EFCAB6: variants seen among roughly 807,000 people sequenced by gnomAD.
The protein encoded by EFCAB6 is EF-hand calcium-binding domain-containing protein 6.
EFCAB6 carries 156 observed loss-of-function variants against 169.8 expected under a neutral mutation model. That is an observed-to-expected ratio of 0.92 (90% CI 0.81 to 1.05). EFCAB6 has a LOEUF of 1.05. EFCAB6 is among the 50% of genes least tolerant of loss of function. EFCAB6 has a pLI of 0.00. For synonymous variants in EFCAB6, 698 were observed against 676.4 expected (o/e 1.03, Z -0.50); for missense variants, 1,800 against 1,829.1 (o/e 0.98, Z 0.29).
Position 43,784,651 on chromosome 22 carries a change from A to ATGTGTATGTATACATATATATG in EFCAB6, c.-7-2327_-7-2326insCATATATATGTATACATACACA, listed in dbSNP as rs2061997045. On this transcript the variant is annotated intron_variant, in intron 2 of 31. Coordinates refer to ENST00000262726, the MANE Select transcript of EFCAB6 (RefSeq NM_022785.4). The stretch of plus-strand genomic sequence containing the variant: ...TATATATGTATATGTACACATATAT[A>ATGTGTATGTATACATATATATG]TGTGTATATATACATATACATATAT... Among the ~76,000 whole-genome samples the ATGTGTATGTATACATATATATG allele has an allele frequency of 1.6e-4, 12 of 75,354 alleles. 2 individuals are homozygous for ATGTGTATGTATACATATATATG. Among genetic ancestry groups the ATGTGTATGTATACATATATATG allele is most frequent in the Non-Finnish European group, 3.0e-4 (11 of 36,566 alleles). 49.4% of individuals were successfully genotyped at this position (75,354 alleles called of 152,430 possible). A position where few individuals can be genotyped will look rare whatever the true frequency, so the allele number is the denominator to read the frequency against.
At chr22:43,622,850 T>G (rs560282695) in intron 20 of EFCAB6, among the ~76,000 whole-genome samples, 1 of 152,318 alleles carries the variant, frequency 6.6e-6, no homozygotes, top group Non-Finnish European at 1.5e-5. Context: ...CCTTCAGTTT[T>G]CTTGCGGCAG....
intron 10 of EFCAB6, among the ~76,000 whole-genome samples, chr22:43,689,391 G>A (rs796622242): frequency 2.0e-4 from 26 of 130,400 alleles, no homozygotes; most frequent in African/African-American, 6.9e-4. Context: ...CAGCATCTTC[G>A]TCTTTGCCCA....
intron 17 of EFCAB6, among the ~76,000 whole-genome samples, chr22:43,648,940 G>T (rs1319842693): frequency 6.6e-6 from 1 of 152,138 alleles, no homozygotes; most frequent in Non-Finnish European, 1.5e-5. Context: ...CCCCATCCCC[G>T]CCAAGCTTAC....
intron 10 of EFCAB6, among the ~76,000 whole-genome samples, chr22:43,698,524 C>A (rs1042392664): frequency 6.6e-6 from 1 of 152,146 alleles, no homozygotes; most frequent in African/African-American, 2.4e-5. Context: ...TGGTCTCAGA[C>A]CCACAAAATT....
At chr22:43,581,151 G>T (rs1037845598) in intron 24 of EFCAB6, among the ~76,000 whole-genome samples, 6 of 152,162 alleles carry the variant, frequency 3.9e-5, no homozygotes. Flanking sequence ...CAGTCTGGAT[G>T]GGGGGCTCCT....
intron 27 of EFCAB6, chr22:43,554,428 C>G (rs1602225561): frequency 5.9e-6 from 1 of 168,782 alleles, no homozygotes; most frequent in Non-Finnish European, 1.3e-5. Flanking sequence ...CTCTTGCTGA[C>G]TTGCCCCTTG....
At chr22:43,597,876 T>C (rs891882096) in intron 23 of EFCAB6, among the ~76,000 whole-genome samples, 41 of 152,056 alleles carry the variant, frequency 2.7e-4, no homozygotes, top group African/African-American at 9.7e-4. Context: ...ACATACACAA[T>C]GGAACATTAT....
intron 10 of EFCAB6, among the ~76,000 whole-genome samples, chr22:43,701,559 A>C (rs2058766448): frequency 6.6e-6 from 1 of 152,216 alleles, no homozygotes; most frequent in African/African-American, 2.4e-5. Context: ...AATTGGACCA[A>C]ATTATTGATA....
intron 23 of EFCAB6, among the ~76,000 whole-genome samples, chr22:43,593,509 T>G (rs1423883104): frequency 1.3e-5 from 2 of 152,202 alleles, no homozygotes; most frequent in African/African-American, 2.4e-5. Context: ...AAATTCCACT[T>G]TTTCATTAGC....
At chr22:43,693,157 T>C (rs1447116767) in intron 10 of EFCAB6, among the ~76,000 whole-genome samples, 1 of 152,126 alleles carries the variant, frequency 6.6e-6, no homozygotes, top group African/African-American at 2.4e-5. Flanking sequence ...AATAGATTTC[T>C]TTATAAAACA....
Position 43,784,674 on chromosome 22 carries a change from T to TACAC in EFCAB6, c.-7-2350_-7-2349insGTGT, listed in dbSNP as rs1468073918. On this transcript the variant is annotated intron_variant, in intron 2 of 31. Coordinates refer to ENST00000262726, the MANE Select transcript of EFCAB6 (RefSeq NM_022785.4). Reference sequence around the variant, plus strand: ...ATATGTGTATATATACATATACATATATACACACACACACACACACACACA... The same window carrying TACAC: ...ATATGTGTATATATACATATACATATACACATACACACACACACACACACACACA... 4.0e-3 allele frequency among the ~76,000 whole-genome samples: 200 copies of TACAC among 49,632 alleles called. 7 individuals carry two copies. The highest frequency in any genetic ancestry group is 0.015 in the African/African-American group (179 of 12,174). The allele number at this position is 49,632 out of a possible 152,430, so 32.6% of individuals were successfully genotyped here.
chr22:43,666,691 G>GTTT (rs137764), intron 17 of EFCAB6, among the ~76,000 whole-genome samples: 2,314 of 77,780 alleles, frequency 0.03, 208 homozygotes, highest in African/African-American at 0.041. Context: ...CTGCCAGATT[G>GTTT]TTTTTTTTTT....
At chr22:43,613,410 T>C (rs1027032524) in intron 21 of EFCAB6, among the ~76,000 whole-genome samples, 13 of 152,068 alleles carry the variant, frequency 8.5e-5, no homozygotes, top group African/African-American at 3.1e-4. Flanking sequence ...AATATATACA[T>C]CATAGAATAC....
At chr22:43,551,833 T>C (rs969600517) in intron 27 of EFCAB6, 2 of 151,720 alleles carry the variant, frequency 1.3e-5, no homozygotes, top group African/African-American at 4.8e-5. Context: ...TGTTCCTTTT[T>C]TTTTTTTTTT....
chr22:43,560,621 T>G (rs1043086477), intron 26 of EFCAB6, among the ~76,000 whole-genome samples: 2 of 152,208 alleles, frequency 1.3e-5, no homozygotes, highest in East Asian at 3.9e-4. Context: ...GCAGGCCTCC[T>G]TGAGGAGGAA....
chr22:43,551,999 T>C (rs943263116), intron 27 of EFCAB6: 1 of 152,058 alleles, frequency 6.6e-6, no homozygotes, highest in African/African-American at 2.4e-5. Flanking sequence ...AGCTAATTTT[T>C]TTGCATTTTT....
intron 26 of EFCAB6, among the ~76,000 whole-genome samples, chr22:43,574,647 A>C (rs1602355348): frequency 2.2e-5 from 1 of 44,856 alleles, no homozygotes; most frequent in South Asian, 8.6e-4. Context: ...TAAAATGACA[A>C]AAAAAAAAAA....
intron 9 of EFCAB6, among the ~76,000 whole-genome samples, chr22:43,715,235 T>C (rs1603267982): frequency 6.6e-6 from 1 of 152,338 alleles, no homozygotes; most frequent in East Asian, 1.9e-4. Context: ...GTCTCCACTT[T>C]CCCTTGAGGA....
At chr22:43,787,542 TA>T (rs1267125988) in intron 2 of EFCAB6, among the ~76,000 whole-genome samples, 1 of 152,018 alleles carries the variant, frequency 6.6e-6, no homozygotes, top group Non-Finnish European at 1.5e-5. Flanking sequence ...TACTTAGAAA[TA>T]AATTAAACAA....
Sources: gnomAD v4.1 joint callset for allele counts (sites outside exome capture counted in the v4.1 genomes callset) on GRCh38, gnomAD v4.1.1 for gene constraint, MANE v1.5 for transcripts, NCBI Gene and HGNC (gene_info 2026-07-23, HGNC 2026-07-21) for gene names.